The following NME9 variants were observed in gnomAD, a reference collection of about 807,000 sequenced individuals.
NME9 encodes NME/NM23 family member 9.
NME9 carries 48 observed loss-of-function variants against 44.4 expected under a neutral mutation model. The ratio of observed to expected loss-of-function variants is 1.08; its 90% CI spans 0.86 to 1.37. NME9 has a LOEUF of 1.37. Among genes scored for constraint, NME9 ranks in the 40% most tolerant of loss-of-function variants. The pLI is 0.00. For synonymous variants in NME9, 139 were observed against 147.1 expected, an observed-to-expected ratio of 0.94 and a Z score of 0.40; for missense variants, 325 against 405.2, an observed-to-expected ratio of 0.80 and a Z score of 1.70.
intron 8 of NME9, chr3:138,284,447 C>T: frequency 6.2e-7 from 1 of 1,613,332 alleles, no homozygotes; most frequent in Non-Finnish European, 8.5e-7. Context: ...TGCATCTTAG[C>T]CAACATAGCG....
chr3:138,307,843 A>G (rs1195191024), intron 6 of NME9, among the ~76,000 whole-genome samples: 1 of 152,228 alleles, frequency 6.6e-6, no homozygotes, highest in African/African-American at 2.4e-5. Context: ...TTTGAGAAGG[A>G]AGACATTGTG....
At chr3:138,308,104 G>C (rs1037603733) in intron 6 of NME9, among the ~76,000 whole-genome samples, 2 of 152,164 alleles carry the variant, frequency 1.3e-5, no homozygotes, top group African/African-American at 4.8e-5. Context: ...CTTGATTTGG[G>C]AGGAAATCAT....
chr3:138,279,589 T>C (rs1445725819), intron 8 of NME9, among the ~76,000 whole-genome samples: 2 of 152,356 alleles, frequency 1.3e-5, no homozygotes, highest in East Asian at 1.9e-4. Context: ...TCTTCAATTT[T>C]CTGCAAAAAT....
At chr3:138,296,948 A>C (rs2108414506), downstream of NME9, 1 of 152,360 alleles carries the variant, frequency 6.6e-6, no homozygotes, top group Non-Finnish European at 1.5e-5. Flanking sequence ...ATCACTTCCC[A>C]GAAACAGAAT....
In NME9 at chr3:138,329,396, G is replaced by C; in HGVS notation, c.-61C>G. ...CCGTGGGCCGTTCCCCCGCAGCCTCGCGACAAACCGCTGCGTGGATCAGCA... is the reference window on the plus strand; with the variant it reads ...CCGTGGGCCGTTCCCCCGCAGCCTCCCGACAAACCGCTGCGTGGATCAGCA... On this transcript the variant is annotated 5_prime_UTR_variant, in exon 1 of 11. Coordinates refer to ENST00000333911, the MANE Select transcript of NME9 (RefSeq NM_001349018.2). The C allele has an allele frequency of 2.6e-6, 4 of 1,535,290 alleles. No homozygotes were observed. The highest frequency in any genetic ancestry group is 3.5e-6 in the Non-Finnish European group (4 of 1,146,512).
At chr3:138,307,684 G>A (rs1177084780) in intron 6 of NME9, among the ~76,000 whole-genome samples, 1 of 152,156 alleles carries the variant, frequency 6.6e-6, no homozygotes, top group Non-Finnish European at 1.5e-5. Context: ...AGAGGAAGAA[G>A]AAAAGAGACC....
chr3:138,301,210 TA>T lies in NME9; in HGVS notation c.*429del. 3 of 680,008 alleles carry T rather than the reference TA, an allele frequency of 4.4e-6. No homozygotes were observed. The highest frequency in any genetic ancestry group is 2.0e-5 in the African/African-American group (1 of 51,272). 42.1% of individuals were successfully genotyped at this position (680,008 alleles called of 1,614,324 possible). A position where few individuals can be genotyped will look rare whatever the true frequency, so the allele number is the denominator to read the frequency against. On this transcript the variant is annotated 3_prime_UTR_variant, in exon 11 of 11. Coordinates refer to ENST00000333911, the MANE Select transcript of NME9 (RefSeq NM_001349018.2). ...TATTCTCTTTCTTTACTTTTTTTTTTATTATTATTATTAAGATGGAGTCTCA... is the reference window on the plus strand; with the variant it reads ...TATTCTCTTTCTTTACTTTTTTTTTTTTATTATTATTAAGATGGAGTCTCA...
intron 2 of NME9, 51 bp from the exon 3 acceptor site, chr3:138,319,632 C>A (rs376872418): frequency 7.6e-6 from 7 of 920,758 alleles, no homozygotes; most frequent in Non-Finnish European, 1.3e-5. Flanking sequence ...GTGCCCACCA[C>A]ACCATGCATA....
At chr3:138,284,569 A>G in intron 8 of NME9, 1 of 1,394,198 alleles carries the variant, frequency 7.2e-7, no homozygotes, top group Non-Finnish European at 1.0e-6. Flanking sequence ...GAATGCAGGG[A>G]CTGTTGCATT....
intron 6 of NME9, among the ~76,000 whole-genome samples, chr3:138,306,835 G>A (rs551840282): frequency 6.6e-6 from 1 of 152,330 alleles, no homozygotes; most frequent in South Asian, 2.1e-4. Flanking sequence ...ACTGAATTGA[G>A]TTGGCCTGGG....
chr3:138,264,412 C>CTTTTTTTTTTTTTT (rs11298899), intron 8 of NME9, among the ~76,000 whole-genome samples: 1 of 48,630 alleles, frequency 2.1e-5, no homozygotes, highest in African/African-American at 7.7e-5. Flanking sequence ...GATTTTCTTT[C>CTTTTTTTTTTTTTT]TTTTTTTTTT....
At chr3:138,305,666 C>T (rs76211065) in intron 8 of NME9, among the ~76,000 whole-genome samples, 1 of 152,310 alleles carries the variant, frequency 6.6e-6, no homozygotes, top group East Asian at 1.9e-4. Context: ...ATGGCAGTAT[C>T]TAAAGTGATA....
At chr3:138,263,168 G>C (rs973059033) in intron 8 of NME9, among the ~76,000 whole-genome samples, 2 of 152,226 alleles carry the variant, frequency 1.3e-5, no homozygotes, top group African/African-American at 4.8e-5. Flanking sequence ...AAGGAAAATT[G>C]CAGGTTATCT....
chr3:138,274,427 T>G (rs767591358), intron 8 of NME9: 1 of 1,476,094 alleles, frequency 6.8e-7, no homozygotes, highest in Non-Finnish European at 9.4e-7. Flanking sequence ...TTGATAATTA[T>G]GGATTTCCCA....
At chr3:138,273,503 G>A (rs2048977501) in intron 8 of NME9, among the ~76,000 whole-genome samples, 1 of 152,148 alleles carries the variant, frequency 6.6e-6, no homozygotes, top group Non-Finnish European at 1.5e-5. Context: ...AATTCTCAGA[G>A]CCATTCCATA....
intron 6 of NME9, among the ~76,000 whole-genome samples, chr3:138,313,113 A>G (rs961516970): frequency 2.0e-4 from 31 of 152,212 alleles, no homozygotes; most frequent in African/African-American, 7.5e-4. Flanking sequence ...AAGGGAGGCC[A>G]GGTGTGGTGG....
exon 9 of NME9, chr3:138,262,487 T>C: frequency 6.3e-7 from 1 of 1,579,382 alleles, no homozygotes. Flanking sequence ...TGAAACATCC[T>C]GAGGTTTTCC....
chr3:138,313,584 A>C (rs957002750), intron 6 of NME9, among the ~76,000 whole-genome samples: 1 of 152,224 alleles, frequency 6.6e-6, no homozygotes. Flanking sequence ...TATCCAAAAG[A>C]GAGGAAATCA....
intron 9 of NME9, among the ~76,000 whole-genome samples, chr3:138,303,908 G>A (rs2052030846): frequency 6.6e-6 from 1 of 152,162 alleles, no homozygotes; most frequent in Non-Finnish European, 1.5e-5. Context: ...GGAGTCTACT[G>A]TTACCCCCAT....
Sources: gnomAD v4.1 joint callset for allele counts (sites outside exome capture counted in the v4.1 genomes callset) on GRCh38, gnomAD v4.1.1 for gene constraint, MANE v1.5 for transcripts, NCBI Gene and HGNC (gene_info 2026-07-23, HGNC 2026-07-21) for gene names.